LIMCH1: variants seen among roughly 807,000 people sequenced by gnomAD.
LIMCH1 encodes the protein LIM and calponin homology domains 1.
LIMCH1 carries 113 observed loss-of-function variants against 176.5 expected under a neutral mutation model. The ratio of observed to expected loss-of-function variants is 0.64; its 90% CI spans 0.55 to 0.75. LIMCH1 has a LOEUF of 0.75. Among genes scored for constraint, LIMCH1 ranks in the 30% least tolerant of loss-of-function variants. The probability of loss-of-function intolerance (pLI) is 0.00; values close to 1 mark genes in which losing one functional copy is unlikely to be tolerated. For missense variants in LIMCH1, 1,674 were observed against 1,814.9 expected (o/e 0.92, Z 1.41); for synonymous variants, 619 against 645.9 (o/e 0.96, Z 0.63).
chr4:41,393,506 T>C (rs2154112654), intron 1 of LIMCH1, among the ~76,000 whole-genome samples: 1 of 152,356 alleles, frequency 6.6e-6, no homozygotes. Context: ...AATGTACCTT[T>C]CAAACACTGG....
intron 18 of LIMCH1, among the ~76,000 whole-genome samples, chr4:41,654,183 T>C (rs2094396670): frequency 6.6e-6 from 1 of 152,212 alleles, no homozygotes; most frequent in Non-Finnish European, 1.5e-5. Flanking sequence ...CCTATGATTG[T>C]GCAAAGGCAA....
chr4:41,481,241 G>A (rs2068565959), intron 1 of LIMCH1, among the ~76,000 whole-genome samples: 1 of 152,172 alleles, frequency 6.6e-6, no homozygotes. Flanking sequence ...AACACAAACT[G>A]AATAGATATA....
chr4:41,529,655 A>C (rs6838196), intron 3 of LIMCH1, among the ~76,000 whole-genome samples: 58,828 of 152,050 alleles, frequency 0.39, 12,635 homozygotes, highest in African/African-American at 0.58. Flanking sequence ...TATTACATAT[A>C]CACTGTTCCC....
At chr4:41,687,980 A>T in intron 29 of LIMCH1, 63 bp downstream of exon 29, 1 of 1,304,900 alleles carries the variant, frequency 7.7e-7, no homozygotes, top group Non-Finnish European at 1.1e-6. Flanking sequence ...GCCAAGCATC[A>T]TTTCAACTGA....
chr4:41,632,012 G>A (rs570420949), intron 10 of LIMCH1, among the ~76,000 whole-genome samples: 1 of 152,286 alleles, frequency 6.6e-6, no homozygotes, highest in South Asian at 2.1e-4. Flanking sequence ...GGGGGTTTCT[G>A]TAAGTCGAGA....
intron 7 of LIMCH1, among the ~76,000 whole-genome samples, chr4:41,623,155 TG>T (rs2092701921): frequency 3.3e-5 from 5 of 152,326 alleles, no homozygotes; most frequent in African/African-American, 1.2e-4. Context: ...TTAACTGGAA[TG>T]AAGTATCATG....
chr4:41,477,908 G>A (rs2067992074), intron 1 of LIMCH1, among the ~76,000 whole-genome samples: 2 of 152,150 alleles, frequency 1.3e-5, no homozygotes, highest in Admixed American at 1.3e-4. Flanking sequence ...AGGCATGTGG[G>A]GATCACAGCT....
At chr4:41,515,990 A>G (rs1393044026) in intron 2 of LIMCH1, among the ~76,000 whole-genome samples, 1 of 152,256 alleles carries the variant, frequency 6.6e-6, no homozygotes, top group African/African-American at 2.4e-5. Context: ...TCATTTAAAC[A>G]TAATTACTAC....
At position 41,680,936 on chromosome 4, in the gene LIMCH1, T is replaced by C; in HGVS notation, c.3613-19T>C. 2 of 1,377,686 alleles carry C rather than the reference T, an allele frequency of 1.5e-6. No homozygotes were observed. The highest frequency in any genetic ancestry group is 2.1e-6 in the Non-Finnish European group (2 of 973,836). The allele number at this position is 1,377,686 out of a possible 1,614,324, so 85.3% of individuals were successfully genotyped here. A position where few individuals can be genotyped will look rare whatever the true frequency, so the allele number is the denominator to read the frequency against. ...TTTTTATTTTCCCCCCTTTCATCGA[T>C]TCCTGTCCTTCCCCTTAGGAGCGTA... On this transcript the variant is annotated intron_variant, in intron 24 of 31. Coordinates refer to ENST00000503057, the MANE Select transcript of LIMCH1 (RefSeq NM_001330672.2).
intron 1 of LIMCH1, among the ~76,000 whole-genome samples, chr4:41,408,157 C>T (rs1397650047): frequency 6.6e-6 from 1 of 152,008 alleles, no homozygotes; most frequent in African/African-American, 2.4e-5. Context: ...TGAACAAGGG[C>T]AAAGGCATGG....
At chr4:41,394,377 T>C (rs1257327529) in intron 1 of LIMCH1, among the ~76,000 whole-genome samples, 3 of 152,186 alleles carry the variant, frequency 2.0e-5, no homozygotes, top group Non-Finnish European at 2.9e-5. Flanking sequence ...GAATGAAATA[T>C]TCATTTGCTT....
chr4:41,637,978 T>C (rs1039542167), intron 13 of LIMCH1, among the ~76,000 whole-genome samples: 1 of 152,220 alleles, frequency 6.6e-6, no homozygotes, highest in Non-Finnish European at 1.5e-5. Context: ...GGACGTATTT[T>C]CTTCACTATT....
chr4:41,399,617 T>A (rs1329104678), intron 1 of LIMCH1, among the ~76,000 whole-genome samples: 2 of 151,686 alleles, frequency 1.3e-5, no homozygotes, highest in African/African-American at 4.8e-5. Flanking sequence ...TTGAAACTGA[T>A]GGAGAACAGG....
chr4:41,372,158 A>G (rs1420828228), intron 1 of LIMCH1, among the ~76,000 whole-genome samples: 1 of 152,164 alleles, frequency 6.6e-6, no homozygotes, highest in African/African-American at 2.4e-5. Flanking sequence ...ATAATGCAGC[A>G]GTCTCGGTCT....
chr4:41,367,279 T>G (rs919991986), intron 1 of LIMCH1, among the ~76,000 whole-genome samples: 16 of 152,196 alleles, frequency 1.1e-4, no homozygotes, highest in Non-Finnish European at 4.4e-5. Context: ...TCATATAAAA[T>G]GCACCTAAGA....
chr4:41,516,775 G>A (rs563250423), intron 2 of LIMCH1, among the ~76,000 whole-genome samples: 5 of 152,268 alleles, frequency 3.3e-5, no homozygotes, highest in African/African-American at 1.2e-4. Context: ...TAGAAAATGT[G>A]GGAAAATAAA....
rs1393069721 is a variant in LIMCH1, at chr4:41,418,434, C to G, written c.96+57498C>G. Among the ~76,000 whole-genome samples, 3 of 152,196 alleles carry G rather than the reference C, an allele frequency of 2.0e-5. No individual in the cohort carries two copies. The South Asian group carries it at 6.2e-4, about 32-fold the overall frequency. ...AATCTTGGTCAGCCACATGCATGTA[C>G]AGGACTATAAAAAAGTCCAGGTTTG... On this transcript the variant is annotated intron_variant, in intron 1 of 26. Coordinates refer to the LIMCH1 transcript ENST00000313860.
intron 1 of LIMCH1, among the ~76,000 whole-genome samples, chr4:41,597,011 G>T (rs888560390): frequency 6.6e-6 from 1 of 151,922 alleles, no homozygotes; most frequent in Non-Finnish European, 1.5e-5. Flanking sequence ...CCTTCACACC[G>T]TCTACCTCCC....
At chr4:41,440,992 A>T (rs2062646893) in intron 1 of LIMCH1, among the ~76,000 whole-genome samples, 1 of 151,966 alleles carries the variant, frequency 6.6e-6, no homozygotes, top group South Asian at 2.1e-4. Context: ...TTGTTCACAG[A>T]TTCTTTTCCT....
Sources: gnomAD v4.1 joint callset for allele counts (sites outside exome capture counted in the v4.1 genomes callset) on GRCh38, gnomAD v4.1.1 for gene constraint, MANE v1.5 for transcripts, NCBI Gene and HGNC (gene_info 2026-07-23, HGNC 2026-07-21) for gene names.